AGO1: variants seen among roughly 807,000 people sequenced by gnomAD.
AGO1 encodes the protein protein argonaute-1.
In AGO1, 11 loss-of-function variants were observed where a neutral mutation model predicts 109.2. The ratio of observed to expected loss-of-function variants is 0.10; its 90% CI spans 0.06 to 0.17. The LOEUF is 0.17. Among genes scored for constraint, AGO1 ranks in the 10% least tolerant of loss-of-function variants. The pLI is 1.00. For missense variants in AGO1, 574 were observed against 1,140.3 expected (o/e 0.50, Z 7.15); for synonymous variants, 422 against 418.6 (o/e 1.01, Z -0.10).
chr1:35,899,538 G>A (rs184210701), intron 8 of AGO1, among the ~76,000 whole-genome samples: 61 of 152,344 alleles, frequency 4.0e-4, no homozygotes, highest in African/African-American at 1.4e-3. Context: ...TCTTTTGCTA[G>A]TGTTAATTCT....
In AGO1 at chr1:35,890,946, A is replaced by G. The variant is rs113989460; in HGVS notation, c.210-1611A>G. On this transcript the variant is annotated intron_variant, in intron 2 of 18. Transcript: ENST00000373204. ...ATTTTGAGTATAAGAAGAAAGGAGA[A>G]AAATTGATGCACACACATATAAATA... is the stretch of plus-strand genomic sequence containing the variant. 8.5e-3 allele frequency among the ~76,000 whole-genome samples: 1,296 copies of G among 152,324 alleles called. 16 individuals carry two copies. Among genetic ancestry groups the G allele is most frequent in the African/African-American group, 0.029 (1,218 of 41,564 alleles).
intron 11 of AGO1, among the ~76,000 whole-genome samples, chr1:35,905,302 C>T (rs1645498900): frequency 2.0e-5 from 3 of 152,258 alleles, no homozygotes; most frequent in South Asian, 4.1e-4. Context: ...TTACATGAAA[C>T]AGTGGTTAGG....
chr1:35,910,603 A>G (rs1347256603), intron 12 of AGO1, among the ~76,000 whole-genome samples: 1 of 152,206 alleles, frequency 6.6e-6, no homozygotes, highest in Non-Finnish European at 1.5e-5. Context: ...TTTAAACTTT[A>G]TATAAATAGA....
chr1:35,893,342 G>A lies in AGO1; in HGVS notation c.512+64G>A, dbSNP rs1390698077. The A allele has an allele frequency of 2.0e-5, 31 of 1,539,858 alleles. No homozygotes were observed. Among genetic ancestry groups the A allele is most frequent in the East Asian group, 2.3e-5 (1 of 43,966 alleles). On this transcript the variant is annotated intron_variant, in intron 4 of 18. Transcript: ENST00000373204. This position sits in a 1 kb window ranked among gnomAD's most constrained non-coding sequence, Gnocchi z 5.6. Reference sequence around the variant, plus strand: ...CAGAACTGCTGTCAGGGGAGGAGGGGGAGCACATATTAAGGTCCCACAGAG... The same window carrying A: ...CAGAACTGCTGTCAGGGGAGGAGGGAGAGCACATATTAAGGTCCCACAGAG...
chr1:35,900,934 T>G (rs891609170), intron 8 of AGO1, among the ~76,000 whole-genome samples: 1 of 150,860 alleles, frequency 6.6e-6, no homozygotes, highest in Middle Eastern at 3.5e-3. Flanking sequence ...AAATAAAATA[T>G]GAGACCTGAG....
intron 1 of AGO1, among the ~76,000 whole-genome samples, chr1:35,875,860 T>A (rs1392052300): frequency 6.6e-6 from 1 of 152,274 alleles, no homozygotes; most frequent in Non-Finnish European, 1.5e-5. Context: ...CTTTCATACC[T>A]ACTTACACAA....
chr1:35,889,015 G>T (rs1645168513), intron 2 of AGO1, among the ~76,000 whole-genome samples: 1 of 133,110 alleles, frequency 7.5e-6, no homozygotes, highest in Non-Finnish European at 1.5e-5. Context: ...GAAATGAATG[G>T]GATGTCCTTG....
upstream of AGO1, among the ~76,000 whole-genome samples, chr1:35,879,169 G>T (rs868815646): frequency 2.0e-5 from 3 of 152,206 alleles, no homozygotes; most frequent in Non-Finnish European, 4.4e-5. Context: ...AAATGCAGGG[G>T]CTGAGCACGG....
At position 35,893,647 on chromosome 1, in the gene AGO1, G is replaced by C. The variant is rs749845035; in HGVS notation, c.513-27G>C. 7.0e-5 allele frequency: 112 copies of C among 1,593,408 alleles called. No homozygotes were observed. Among genetic ancestry groups the C allele is most frequent in the Non-Finnish European group, 9.4e-5 (110 of 1,167,082 alleles). The stretch of plus-strand genomic sequence containing the variant: ...ACAGGGTGGGGGCCTGTGCCCGAGG[G>C]ACCAGTTCTCTGCCTGTCCCTGCCA... On this transcript the variant is annotated intron_variant, in intron 4 of 18. Transcript: ENST00000373204. This position sits in a 1 kb window ranked among gnomAD's most constrained non-coding sequence, Gnocchi z 5.6.
intron 12 of AGO1, among the ~76,000 whole-genome samples, chr1:35,908,169 T>G (rs542159784): frequency 4.6e-5 from 7 of 152,250 alleles, no homozygotes; most frequent in Non-Finnish European, 1.0e-4. Context: ...ACCAGCCACT[T>G]ATTCTTTAGC....
At chr1:35,899,235 G>A (rs1645373924) in intron 8 of AGO1, among the ~76,000 whole-genome samples, 1 of 152,114 alleles carries the variant, frequency 6.6e-6, no homozygotes, top group Non-Finnish European at 1.5e-5. Context: ...CTTTTTTAAG[G>A]CTGAATAATA....
rs755567551 is a variant in AGO1, at chr1:35,919,632, G to C, written c.*25G>C. The stretch of plus-strand genomic sequence containing the variant: ...AAGGCAGAACGCTGTTACCTCACTG[G>C]ATAGAAGAAAGCTTTCCAAGCCCCA... On this transcript the variant is annotated 3_prime_UTR_variant, in exon 19 of 19. Coordinates refer to ENST00000373204, the MANE Select transcript of AGO1 (RefSeq NM_012199.5). This position sits in a 1 kb window ranked among gnomAD's most constrained non-coding sequence, Gnocchi z 6.6. 1.9e-6 allele frequency: 3 copies of C among 1,599,666 alleles called. No homozygotes were observed. The South Asian group carries it at 3.3e-5, about 18-fold the overall frequency.
intron 8 of AGO1, among the ~76,000 whole-genome samples, chr1:35,899,112 G>A (rs1409863414): frequency 2.0e-5 from 3 of 152,110 alleles, no homozygotes; most frequent in African/African-American, 7.2e-5. Flanking sequence ...TTTGACCACT[G>A]TAAGTACCTC....
intron 1 of AGO1, among the ~76,000 whole-genome samples, chr1:35,875,198 A>G (rs1349504732): frequency 6.6e-6 from 1 of 152,222 alleles, no homozygotes; most frequent in East Asian, 1.9e-4. Flanking sequence ...GAGAGAAATC[A>G]ATGCCTGGCT....
chr1:35,914,649 G>A (rs760115686), intron 14 of AGO1, among the ~76,000 whole-genome samples: 13 of 152,110 alleles, frequency 8.5e-5, no homozygotes, highest in Admixed American at 3.9e-4. Flanking sequence ...TCCTCACCCC[G>A]ATCTGTATAA....
chr1:35,912,461 G>A (rs555668675), intron 12 of AGO1, among the ~76,000 whole-genome samples: 10 of 150,516 alleles, frequency 6.6e-5, no homozygotes, highest in South Asian at 2.1e-4. Context: ...TTTGAGCATC[G>A]AACCATGAGG....
At chr1:35,889,510 C>A (rs560724332) in intron 2 of AGO1, among the ~76,000 whole-genome samples, 20 of 151,836 alleles carry the variant, frequency 1.3e-4, no homozygotes, top group African/African-American at 4.8e-4. Flanking sequence ...CCGTGCCCGG[C>A]CTCTGTGATA....
intron 7 of AGO1, 117 bp downstream of exon 7, chr1:35,894,519 C>T: frequency 9.7e-7 from 1 of 1,028,344 alleles, no homozygotes; most frequent in East Asian, 2.6e-5. Flanking sequence ...GGGGACTGGC[C>T]CTGTTTTTGA....
upstream of AGO1, chr1:35,882,932 G>A (rs1456155915): frequency 4.8e-5 from 47 of 982,208 alleles, no homozygotes; most frequent in Non-Finnish European, 5.4e-5. The surrounding 1 kb of genome is among the most constrained non-coding windows in gnomAD (Gnocchi z 5.1). Context: ...CGGGGGCTGT[G>A]TGTAGGTTTG....
Sources: gnomAD v4.1 joint callset for allele counts (sites outside exome capture counted in the v4.1 genomes callset) on GRCh38, gnomAD v4.1.1 for gene constraint, Gnocchi (gnomAD v3.1) non-coding constraint, MANE v1.5 for transcripts, NCBI Gene and HGNC (gene_info 2026-07-23, HGNC 2026-07-21) for gene names.